Variants in RGS6 observed in about 807,000 individuals in gnomAD.
The protein encoded by RGS6 is regulator of G protein signaling 6.
RGS6 carries 30 observed loss-of-function variants against 78.5 expected under a neutral mutation model. The observed-to-expected ratio is 0.38, with a 90% CI of 0.29 to 0.52. RGS6 has a LOEUF of 0.52. Among genes scored for constraint, RGS6 ranks in the 20% least tolerant of loss-of-function variants. The pLI, the probability that RGS6 is intolerant of heterozygous loss-of-function variation, is 0.85. For synonymous variants in RGS6, 206 were observed against 206.0 expected, an observed-to-expected ratio of 1.00 and a Z score of 0.00; for missense variants, 495 against 609.7, an observed-to-expected ratio of 0.81 and a Z score of 1.98.
chr14:72,361,102 T>TTTC (rs1555352703), intron 3 of RGS6, among the ~76,000 whole-genome samples: 1 of 134,434 alleles, frequency 7.4e-6, no homozygotes, highest in African/African-American at 3.0e-5. Flanking sequence ...TTTTTTTTTT[T>TTTC]CATAAATTAC....
intron 2 of RGS6, among the ~76,000 whole-genome samples, chr14:72,001,226 C>G (rs2083360046): frequency 6.6e-6 from 1 of 151,050 alleles, no homozygotes; most frequent in Non-Finnish European, 1.5e-5. Flanking sequence ...AGTCTTCATT[C>G]AGTGGGAAAC....
At chr14:72,377,048 C>G (rs916652578) in intron 3 of RGS6, among the ~76,000 whole-genome samples, 2 of 152,048 alleles carry the variant, frequency 1.3e-5, no homozygotes, top group Non-Finnish European at 1.5e-5. Context: ...GATAAAAGTC[C>G]TCACCGATCA....
chr14:72,323,547 C>A (rs1029187107), intron 2 of RGS6, among the ~76,000 whole-genome samples: 6 of 151,488 alleles, frequency 4.0e-5, no homozygotes, highest in African/African-American at 1.5e-4. Flanking sequence ...GGGGGATTAG[C>A]CCTATCAAAT....
At chr14:72,562,092 G>A (rs2153556219) in intron 17 of RGS6, among the ~76,000 whole-genome samples, 1 of 152,266 alleles carries the variant, frequency 6.6e-6, no homozygotes, top group Non-Finnish European at 1.5e-5. Flanking sequence ...CAGCCCGCCG[G>A]CATTAAAAAT....
At chr14:72,587,879 C>G in the RGS6 span, among the ~76,000 whole-genome samples, 1 of 152,224 alleles carries the variant, frequency 6.6e-6, no homozygotes, top group South Asian at 2.1e-4. Context: ...CTCCACTTTG[C>G]TTCACAAATC....
intron 2 of RGS6, among the ~76,000 whole-genome samples, chr14:72,057,416 C>T (rs1403411962): frequency 6.7e-6 from 1 of 150,142 alleles, no homozygotes. Flanking sequence ...GTATCTGTAG[C>T]TGCTACAAGA....
At chr14:72,619,059 C>G in the RGS6 span, among the ~76,000 whole-genome samples, 1 of 152,194 alleles carries the variant, frequency 6.6e-6, no homozygotes, top group South Asian at 2.1e-4. Context: ...GAGGTGTTCT[C>G]CCAAAGTGCA....
the RGS6 span, among the ~76,000 whole-genome samples, chr14:71,923,698 T>C: frequency 6.6e-6 from 1 of 152,140 alleles, no homozygotes; most frequent in Non-Finnish European, 1.5e-5. Context: ...AAAGACTGCA[T>C]ACTCTAGGAT....
chr14:71,947,408 A>C (rs2091688721), intron 1 of RGS6, among the ~76,000 whole-genome samples: 1 of 152,092 alleles, frequency 6.6e-6, no homozygotes, highest in African/African-American at 2.4e-5. Flanking sequence ...CTCTGCAAAA[A>C]TCACTTCCGC....
chr14:72,423,848 C>G (rs2094319151), intron 3 of RGS6, among the ~76,000 whole-genome samples: 1 of 152,144 alleles, frequency 6.6e-6, no homozygotes. Flanking sequence ...ATATTCATTC[C>G]CAAATCATTT....
chr14:72,604,507 C>G, the RGS6 span, among the ~76,000 whole-genome samples: 2,782 of 152,256 alleles, frequency 0.018, 85 homozygotes, highest in African/African-American at 0.063. Context: ...TCAGTTGGCC[C>G]GTTGCTTCCA....
intron 2 of RGS6, among the ~76,000 whole-genome samples, chr14:72,047,948 G>A (rs950059908): frequency 2.7e-5 from 4 of 146,066 alleles, no homozygotes; most frequent in African/African-American, 7.6e-5. Context: ...CACCATGTTG[G>A]CCAGGCTGGT....
intron 3 of RGS6, among the ~76,000 whole-genome samples, chr14:72,362,815 A>G (rs2081711310): frequency 6.6e-6 from 1 of 152,160 alleles, no homozygotes; most frequent in African/African-American, 2.4e-5. Context: ...TGGCAACATC[A>G]TGTTGACATT....
At chr14:72,230,745 C>T (rs551684911) in intron 2 of RGS6, among the ~76,000 whole-genome samples, 12 of 152,158 alleles carry the variant, frequency 7.9e-5, no homozygotes, top group Non-Finnish European at 1.6e-4. Flanking sequence ...CTCAATTTTG[C>T]TTTTAAGGCC....
chr14:72,605,771 C>T, the RGS6 span, among the ~76,000 whole-genome samples: 3 of 152,164 alleles, frequency 2.0e-5, no homozygotes, highest in African/African-American at 7.2e-5. Flanking sequence ...TGGCAAAAGC[C>T]GGGAATGGGC....
At chr14:72,203,097 G>C (rs575375933) in intron 2 of RGS6, among the ~76,000 whole-genome samples, 2 of 151,994 alleles carry the variant, frequency 1.3e-5, no homozygotes, top group Admixed American at 1.3e-4. Flanking sequence ...GGATGGTCTC[G>C]ATCTCCTGAC....
intron 2 of RGS6, among the ~76,000 whole-genome samples, chr14:72,042,505 A>C (rs1421061536): frequency 6.6e-6 from 1 of 152,174 alleles, no homozygotes; most frequent in Non-Finnish European, 1.5e-5. Context: ...TTCATTCAAC[A>C]TGAGTAATTA....
intron 2 of RGS6, among the ~76,000 whole-genome samples, chr14:72,195,331 CA>C (rs1472304458): frequency 1.3e-5 from 2 of 152,162 alleles, no homozygotes; most frequent in African/African-American, 4.8e-5. Context: ...CTCTTAGTGA[CA>C]ATACCAAGTA....
At chr14:71,904,022 C>T in the RGS6 span, among the ~76,000 whole-genome samples, 1 of 152,042 alleles carries the variant, frequency 6.6e-6, no homozygotes, top group African/African-American at 2.4e-5. Context: ...AATATAGAAC[C>T]CCATGCTTAT....
Sources: allele counts gnomAD v4.1 joint callset (sites outside exome capture counted in the v4.1 genomes callset), GRCh38; gene constraint gnomAD v4.1.1; transcripts MANE v1.5; gene names NCBI Gene and HGNC (gene_info 2026-07-23, HGNC 2026-07-21).